CMTM7: variants seen among roughly 807,000 people sequenced by gnomAD.
The protein encoded by CMTM7 is CKLF like MARVEL transmembrane domain containing 7, also known as CKLF-like MARVEL transmembrane domain-containing protein 7.
Under a neutral mutation model 19.3 loss-of-function variants are expected in CMTM7, and 7 were observed. The ratio of observed to expected loss-of-function variants is 0.36; its 90% CI spans 0.21 to 0.68. CMTM7 has a LOEUF of 0.68. Among genes scored for constraint, CMTM7 ranks in the 30% least tolerant of loss-of-function variants. CMTM7 has a pLI of 0.60. For synonymous variants in CMTM7, 87 were observed against 99.3 expected (o/e 0.88, Z 0.74); for missense variants, 193 against 232.6 (o/e 0.83, Z 1.11).
chr3:32,398,991 A>C (rs1408859326), intron 1 of CMTM7, among the ~76,000 whole-genome samples: 1 of 152,090 alleles, frequency 6.6e-6, no homozygotes, highest in Non-Finnish European at 1.5e-5. Context: ...CCATCCCCCC[A>C]AAAAGAAAAG....
chr3:32,433,125 A>G (rs907012628), intron 1 of CMTM7, among the ~76,000 whole-genome samples: 2 of 152,248 alleles, frequency 1.3e-5, no homozygotes, highest in Non-Finnish European at 2.9e-5. Flanking sequence ...GCTTGTTGCA[A>G]ACCAAAATTT....
chr3:32,397,505 T>G (rs1298608156), intron 1 of CMTM7, among the ~76,000 whole-genome samples: 1 of 151,248 alleles, frequency 6.6e-6, no homozygotes. Flanking sequence ...GAGGCTGAGG[T>G]GGGCGGATCA....
chr3:32,428,876 C>G (rs573441417), intron 1 of CMTM7, among the ~76,000 whole-genome samples: 2 of 152,274 alleles, frequency 1.3e-5, no homozygotes, highest in South Asian at 4.1e-4. Context: ...AACAGCTGCC[C>G]ACCTGTGGCC....
chr3:32,429,498 G>A (rs1455948468), intron 1 of CMTM7, among the ~76,000 whole-genome samples: 1 of 151,558 alleles, frequency 6.6e-6, no homozygotes, highest in Non-Finnish European at 1.5e-5. Context: ...TCACCATGTT[G>A]ACTAGGCTGG....
chr3:32,423,241 T>G (rs747478649), intron 1 of CMTM7, among the ~76,000 whole-genome samples: 1 of 152,196 alleles, frequency 6.6e-6, no homozygotes, highest in Non-Finnish European at 1.5e-5. Flanking sequence ...AGTGGTCAGA[T>G]AATTGCATTG....
intron 2 of CMTM7, among the ~76,000 whole-genome samples, 166 bp downstream of exon 2, chr3:32,442,179 G>A (rs1197465898): frequency 6.6e-6 from 1 of 152,108 alleles, no homozygotes; most frequent in Non-Finnish European, 1.5e-5. Context: ...TCTGCTTGAT[G>A]TCCTGCTGGT....
chr3:32,403,681 G>A (rs1187796897), intron 1 of CMTM7, among the ~76,000 whole-genome samples: 1 of 152,134 alleles, frequency 6.6e-6, no homozygotes, highest in African/African-American at 2.4e-5. Context: ...GCTCTTAAAA[G>A]GACAATTTGG....
chr3:32,409,383 A>G (rs1417211299), intron 1 of CMTM7, among the ~76,000 whole-genome samples: 2 of 152,180 alleles, frequency 1.3e-5, no homozygotes, highest in East Asian at 3.8e-4. Flanking sequence ...TCTTTTGTCC[A>G]TGAGTGCTTC....
chr3:32,403,782 A>G (rs955934592), intron 1 of CMTM7, among the ~76,000 whole-genome samples: 5 of 152,118 alleles, frequency 3.3e-5, no homozygotes, highest in Non-Finnish European at 5.9e-5. Flanking sequence ...TCAGTCCATT[A>G]TTTGGTCGTA....
intron 2 of CMTM7, among the ~76,000 whole-genome samples, chr3:32,442,281 C>T (rs1053541797): frequency 3.3e-5 from 5 of 151,572 alleles, no homozygotes; most frequent in South Asian, 2.1e-4. Context: ...GAGGCTGAGG[C>T]GGGCGGATCA....
Position 32,449,523 on chromosome 3 carries a change from T to TA in CMTM7, c.404dup (p.Tyr135Ter), listed in dbSNP as rs1207325367. The TA allele has an allele frequency of 2.1e-5, 34 of 1,613,984 alleles. No individual in the cohort carries two copies. The highest frequency in any genetic ancestry group is 2.9e-5 in the Non-Finnish European group (34 of 1,179,962). Residue 135 changes from tyrosine (Y) to a stop codon, truncating the protein, a stop_gained and frameshift_variant, in exon 3 of 5, where the codon TAC (tyrosine) becomes TAAC (stop). Coordinates refer to ENST00000334983, the MANE Select transcript of CMTM7 (RefSeq NM_138410.4). LOFTEE classifies it high-confidence loss of function. The surrounding 1 kb of genome is among the most constrained non-coding windows in gnomAD (Gnocchi z 4.5). Reference sequence around the variant, plus strand: ...CTCCATTGTGGCAGCTTCCAAGAGTTACAACCAGAGCGGACTGGTAGCCGG... The same window carrying TA: ...CTCCATTGTGGCAGCTTCCAAGAGTTAACAACCAGAGCGGACTGGTAGCCGG... ...IASIVAASKS[Y>*]NQSGLVAGAI... is the part of the protein sequence containing the mutation.
Position 32,449,568 on chromosome 3 carries a change from G to A in CMTM7, c.432+16G>A. 6.4e-7 allele frequency: 1 copy of A among 1,569,576 alleles called. No individual in the cohort carries two copies. Among genetic ancestry groups the A allele is most frequent in the Non-Finnish European group, 8.8e-7 (1 of 1,139,572 alleles). ...AGCCGGAGCGGTGAGGATGTTTTGG[G>A]GAGCCTTTAGGAATGAATTCTTATT... On this transcript the variant is annotated intron_variant, in intron 3 of 4. Transcript: ENST00000334983. The surrounding 1 kb of genome is among the most constrained non-coding windows in gnomAD (Gnocchi z 4.5).
At chr3:32,431,808 T>C (rs1483522657) in intron 1 of CMTM7, among the ~76,000 whole-genome samples, 1 of 152,110 alleles carries the variant, frequency 6.6e-6, no homozygotes, top group Non-Finnish European at 1.5e-5. Context: ...TAGTAGTACT[T>C]ACCTCCTAGG....
At chr3:32,416,785 T>C (rs1172977418) in intron 1 of CMTM7, among the ~76,000 whole-genome samples, 4 of 152,100 alleles carry the variant, frequency 2.6e-5, no homozygotes, top group Admixed American at 2.0e-4. Flanking sequence ...TGGTATTGCT[T>C]TAAGGTTTTT....
intron 1 of CMTM7, among the ~76,000 whole-genome samples, chr3:32,425,365 T>C (rs1028438826): frequency 1.3e-5 from 2 of 152,148 alleles, no homozygotes. Flanking sequence ...TTTATTTTGT[T>C]ATTGACCTCA....
At chr3:32,437,176 G>T (rs528985496) in intron 1 of CMTM7, among the ~76,000 whole-genome samples, 32 of 152,302 alleles carry the variant, frequency 2.1e-4, no homozygotes, top group African/African-American at 7.2e-4. Context: ...AATGGAGTCA[G>T]AAAGGACACA....
chr3:32,451,826 T>A (rs1696837337), intron 3 of CMTM7: 1 of 337,392 alleles, frequency 3.0e-6, no homozygotes, highest in African/African-American at 2.2e-5. Flanking sequence ...TGGATGACCC[T>A]GAGAAAGGGA....
At chr3:32,435,382 C>T (rs111474369) in intron 1 of CMTM7, among the ~76,000 whole-genome samples, 12,337 of 152,106 alleles carry the variant, frequency 0.081, 569 homozygotes, top group Middle Eastern at 0.13. Context: ...CCAGCCTGGG[C>T]GACTGGGAGA....
At chr3:32,399,880 AT>A (rs1406256566) in intron 1 of CMTM7, among the ~76,000 whole-genome samples, 1 of 152,244 alleles carries the variant, frequency 6.6e-6, no homozygotes, top group African/African-American at 2.4e-5. Context: ...TATTGGCTTT[AT>A]TCCTAACAAA....
Sources: gnomAD v4.1 joint callset for allele counts (sites outside exome capture counted in the v4.1 genomes callset) on GRCh38, gnomAD v4.1.1 for gene constraint, Gnocchi (gnomAD v3.1) non-coding constraint, MANE v1.5 for transcripts, NCBI Gene and HGNC (gene_info 2026-07-23, HGNC 2026-07-21) for gene names.